Variants in FER observed in about 807,000 individuals in gnomAD.
FER encodes FER tyrosine kinase.
FER carries 63 observed loss-of-function variants against 111.0 expected under a neutral mutation model. That is an observed-to-expected ratio of 0.57 (90% CI 0.46 to 0.70). The LOEUF (loss-of-function observed/expected upper bound fraction) is 0.70, where lower values mean the gene tolerates loss of function less well. Among genes scored for constraint, FER ranks in the 30% least tolerant of loss-of-function variants. FER has a pLI of 0.00. For missense variants in FER, 914 were observed against 954.0 expected (o/e 0.96, Z 0.55); for synonymous variants, 327 against 313.9 (o/e 1.04, Z -0.44).
At position 109,189,269 on chromosome 5, in the gene FER, G is replaced by C. The variant is rs931619277; in HGVS notation, c.*1694G>C. ...GATGGTCATGCTCAGGGCTAAATATGTTCTGGAAGCCTTTTATAAGTTCTC... is the reference window on the plus strand; with the variant it reads ...GATGGTCATGCTCAGGGCTAAATATCTTCTGGAAGCCTTTTATAAGTTCTC... On this transcript the variant is annotated 3_prime_UTR_variant, in exon 20 of 20. Transcript: ENST00000281092. The C allele has an allele frequency of 6.6e-6, 1 of 152,140 alleles. No homozygotes were observed. Among genetic ancestry groups the C allele is most frequent in the African/African-American group, 2.4e-5 (1 of 41,408 alleles). The allele number at this position is 152,140 out of a possible 1,614,324, so 9.4% of individuals were successfully genotyped here. A position where few individuals can be genotyped will look rare whatever the true frequency, so the allele number is the denominator to read the frequency against.
intron 10 of FER, among the ~76,000 whole-genome samples, chr5:108,908,484 T>C (rs1397653050): frequency 6.6e-6 from 1 of 152,186 alleles, no homozygotes; most frequent in Non-Finnish European, 1.5e-5. Context: ...TCACATAACA[T>C]GTTCAAGTCA....
chr5:108,987,829 T>C (rs1020899497), intron 13 of FER, among the ~76,000 whole-genome samples: 1 of 152,164 alleles, frequency 6.6e-6, no homozygotes, highest in Non-Finnish European at 1.5e-5. Context: ...TCCAGTACTA[T>C]GTTGAATGGA....
At chr5:108,769,657 A>T (rs944888840) in intron 2 of FER, among the ~76,000 whole-genome samples, 1 of 151,956 alleles carries the variant, frequency 6.6e-6, no homozygotes, top group Admixed American at 6.6e-5. Context: ...TTTAGACAGA[A>T]CTCATAGGAC....
intron 16 of FER, among the ~76,000 whole-genome samples, chr5:109,072,344 A>C (rs1279923134): frequency 1.3e-5 from 2 of 151,076 alleles, no homozygotes; most frequent in Non-Finnish European, 3.0e-5. Context: ...AGAAGTAATC[A>C]CACTTGTTGC....
chr5:109,155,776 A>C (rs1755310826), intron 17 of FER, among the ~76,000 whole-genome samples: 1 of 151,990 alleles, frequency 6.6e-6, no homozygotes, highest in South Asian at 2.1e-4. Context: ...AGTGATGGTC[A>C]AATGAAGCCA....
chr5:108,965,189 G>C (rs1488589929), intron 13 of FER, among the ~76,000 whole-genome samples: 1 of 152,082 alleles, frequency 6.6e-6, no homozygotes, highest in African/African-American at 2.4e-5. Flanking sequence ...AATTTATCAG[G>C]AATATATAAA....
At chr5:108,944,701 A>C (rs1305339056) in intron 10 of FER, among the ~76,000 whole-genome samples, 1 of 151,932 alleles carries the variant, frequency 6.6e-6, no homozygotes. Flanking sequence ...TTATTTGTAG[A>C]AATCTGGGCA....
chr5:109,027,996 T>C (rs1380108449), intron 13 of FER, among the ~76,000 whole-genome samples: 1 of 152,218 alleles, frequency 6.6e-6, no homozygotes, highest in Middle Eastern at 3.2e-3. Flanking sequence ...GAAACCTTAT[T>C]TTTAAGTGAT....
chr5:108,990,477 A>G (rs1037047786), intron 13 of FER, among the ~76,000 whole-genome samples: 4 of 151,864 alleles, frequency 2.6e-5, no homozygotes, highest in African/African-American at 4.8e-5. Context: ...GATACATTTC[A>G]TCCTAACTGC....
intron 5 of FER, among the ~76,000 whole-genome samples, chr5:108,845,049 T>TAC (rs1175173813): frequency 3.0e-4 from 14 of 46,638 alleles, no homozygotes; most frequent in African/African-American, 1.1e-3. Context: ...TACATATATA[T>TAC]ATATATATAT....
chr5:108,908,692 G>A (rs1380295098), intron 10 of FER, among the ~76,000 whole-genome samples: 1 of 149,506 alleles, frequency 6.7e-6, no homozygotes, highest in East Asian at 2.0e-4. Flanking sequence ...TTGCACTCTA[G>A]CCTGGGCGAG....
At chr5:109,073,377 T>C (rs571887264) in intron 16 of FER, among the ~76,000 whole-genome samples, 6 of 152,274 alleles carry the variant, frequency 3.9e-5, no homozygotes, top group African/African-American at 1.4e-4. Context: ...GATGACCATC[T>C]CTGTCCTCAT....
intron 11 of FER, among the ~76,000 whole-genome samples, chr5:108,947,040 G>A (rs1455335296): frequency 6.6e-6 from 1 of 151,872 alleles, no homozygotes; most frequent in African/African-American, 2.4e-5. Flanking sequence ...TCCTTTTTGT[G>A]ACTGAATAAT....
intron 10 of FER, among the ~76,000 whole-genome samples, chr5:108,933,309 T>C (rs1754968732): frequency 6.6e-6 from 1 of 152,222 alleles, no homozygotes; most frequent in African/African-American, 2.4e-5. Context: ...GTTTTCTGCA[T>C]ATGGCTAGCC....
intron 10 of FER, among the ~76,000 whole-genome samples, chr5:108,940,528 C>A (rs1581304944): frequency 1.3e-5 from 2 of 152,016 alleles, no homozygotes; most frequent in Non-Finnish European, 2.9e-5. Flanking sequence ...AAGTGACAGG[C>A]CTTTTACAGG....
chr5:108,822,285 C>A (rs1758929780), intron 3 of FER, among the ~76,000 whole-genome samples: 1 of 151,912 alleles, frequency 6.6e-6, no homozygotes, highest in Admixed American at 6.6e-5. Context: ...GAGGGTTGTT[C>A]CTATATCTTG....
intron 5 of FER, among the ~76,000 whole-genome samples, chr5:108,845,053 T>TAC (rs1561503443): frequency 7.3e-4 from 37 of 50,526 alleles, no homozygotes; most frequent in African/African-American, 2.7e-3. Flanking sequence ...TATATATATA[T>TAC]ATATATATAT....
chr5:108,953,138 ACTT>A (rs1230798952), intron 11 of FER, among the ~76,000 whole-genome samples: 1 of 151,982 alleles, frequency 6.6e-6, no homozygotes, highest in Non-Finnish European at 1.5e-5. Context: ...GATTATTTTT[ACTT>A]CTTTAATAAT....
At chr5:108,939,585 A>G (rs1273058704) in intron 10 of FER, among the ~76,000 whole-genome samples, 2 of 152,068 alleles carry the variant, frequency 1.3e-5, no homozygotes, top group Non-Finnish European at 2.9e-5. Flanking sequence ...AGTTTCTCTC[A>G]GAGAGGCTGA....
Sources: allele counts gnomAD v4.1 joint callset (sites outside exome capture counted in the v4.1 genomes callset), GRCh38; gene constraint gnomAD v4.1.1; transcripts MANE v1.5; gene names NCBI Gene and HGNC (gene_info 2026-07-23, HGNC 2026-07-21).